The following PLXNC1 variants were observed in gnomAD, a reference collection of about 807,000 sequenced individuals.
PLXNC1 encodes plexin C1, also known as plexin-C1.
Under a neutral mutation model 178.2 loss-of-function variants are expected in PLXNC1, and 75 were observed. That is an observed-to-expected ratio of 0.42 (90% CI 0.35 to 0.51). PLXNC1 has a LOEUF of 0.51. Among genes scored for constraint, PLXNC1 ranks in the 20% least tolerant of loss-of-function variants. The pLI is 0.02. For synonymous variants in PLXNC1, 790 were observed against 779.9 expected, an observed-to-expected ratio of 1.01 and a Z score of -0.22; for missense variants, 1,503 against 1,984.4, an observed-to-expected ratio of 0.76 and a Z score of 4.61.
chr12:94,257,109 CAG>C (rs1443924262), intron 17 of PLXNC1, among the ~76,000 whole-genome samples: 1 of 152,144 alleles, frequency 6.6e-6, no homozygotes, highest in East Asian at 1.9e-4. Flanking sequence ...AACAGGGAAA[CAG>C]ATCGTAAGAA....
At chr12:94,303,049 A>G (rs186273842) in intron 28 of PLXNC1, among the ~76,000 whole-genome samples, 2 of 152,310 alleles carry the variant, frequency 1.3e-5, no homozygotes, top group African/African-American at 2.4e-5. Flanking sequence ...TAACTTACCT[A>G]TCTTCCCTGA....
chr12:94,240,617 T>C lies in PLXNC1; in HGVS notation c.2253T>C (p.Ile751=). 1 of 1,613,812 alleles carries C rather than the reference T, an allele frequency of 6.2e-7. No individual in the cohort carries two copies. The highest frequency in any genetic ancestry group is 1.1e-5 in the South Asian group (1 of 91,078). The change falls in exon 11 of 31, where the codon ATT becomes ATC. Residue 751 remains isoleucine (I), a synonymous_variant. Coordinates refer to ENST00000258526, the MANE Select transcript of PLXNC1 (RefSeq NM_005761.3). ...NCSSVGSLSY[I]ALPHCSLIFP... ...CTTCTGTGGGATCCTTATCCTACAT[T>C]GCTCTGCCACATTGTTCCCTTATAT...
At chr12:94,295,327 G>A (rs1245103730) in intron 24 of PLXNC1, among the ~76,000 whole-genome samples, 1 of 152,206 alleles carries the variant, frequency 6.6e-6, no homozygotes, top group Non-Finnish European at 1.5e-5. Context: ...GACTCCTTTG[G>A]GGAAACCCAC....
intron 2 of PLXNC1, among the ~76,000 whole-genome samples, chr12:94,180,156 C>T (rs887493074): frequency 6.6e-6 from 1 of 152,152 alleles, no homozygotes; most frequent in Admixed American, 6.5e-5. Flanking sequence ...AAAAGGCAGG[C>T]TGTTTACACA....
chr12:94,269,590 A>G (rs1246754450), intron 21 of PLXNC1, among the ~76,000 whole-genome samples: 1 of 152,238 alleles, frequency 6.6e-6, no homozygotes, highest in African/African-American at 2.4e-5. Context: ...CCCCGTAATT[A>G]AACAACCCAC....
chr12:94,196,792 G>A (rs1357963949), intron 4 of PLXNC1, among the ~76,000 whole-genome samples: 1 of 152,178 alleles, frequency 6.6e-6, no homozygotes, highest in Non-Finnish European at 1.5e-5. Context: ...CACGTTCTGT[G>A]CCATGTTCCA....
At chr12:94,152,713 C>G (rs1379906995) in intron 1 of PLXNC1, among the ~76,000 whole-genome samples, 1 of 152,194 alleles carries the variant, frequency 6.6e-6, no homozygotes, top group African/African-American at 2.4e-5. Flanking sequence ...ATTTGCTTGC[C>G]TTCTTTCTCC....
chr12:94,191,231 T>C (rs904431370), intron 4 of PLXNC1, among the ~76,000 whole-genome samples: 1 of 152,170 alleles, frequency 6.6e-6, no homozygotes, highest in African/African-American at 2.4e-5. Flanking sequence ...TGGCCTACAA[T>C]GAAATGAAAC....
intron 2 of PLXNC1, among the ~76,000 whole-genome samples, chr12:94,174,109 G>A (rs1007201680): frequency 1.3e-5 from 2 of 152,196 alleles, no homozygotes; most frequent in Non-Finnish European, 2.9e-5. Context: ...CCAGTCTTGA[G>A]GTATTTCCTA....
rs537189171 is a variant in PLXNC1 at position 94,307,027 on chromosome 12, A to C, written c.*1742A>C. ...AGGAAAGTTGAGAGCCAAGGGTAGG[A>C]GAGTTGCCCAAAAGACTTCCCCTAC... On this transcript the variant is annotated 3_prime_UTR_variant, in exon 31 of 31. Coordinates refer to ENST00000258526, the MANE Select transcript of PLXNC1 (RefSeq NM_005761.3). 2 of 152,370 alleles carry C rather than the reference A, an allele frequency of 1.3e-5. No homozygotes were observed. The highest frequency in any genetic ancestry group is 4.8e-5 in the African/African-American group (2 of 41,594). The allele number at this position is 152,370 out of a possible 1,614,324, so 9.4% of individuals were successfully genotyped here.
intron 5 of PLXNC1, among the ~76,000 whole-genome samples, chr12:94,215,802 AT>A (rs1188823442): frequency 1.3e-5 from 2 of 152,192 alleles, no homozygotes; most frequent in African/African-American, 4.8e-5. Flanking sequence ...TAAAAATAAA[AT>A]TTAGACTAAT....
intron 10 of PLXNC1, among the ~76,000 whole-genome samples, chr12:94,239,395 TA>T (rs1214629578): frequency 1.3e-5 from 2 of 152,266 alleles, no homozygotes; most frequent in Non-Finnish European, 2.9e-5. Context: ...CACTTTATGA[TA>T]AATTTCCTAG....
At chr12:94,251,317 C>A in intron 14 of PLXNC1, 109 bp from the exon 15 acceptor site, 1 of 687,170 alleles carries the variant, frequency 1.5e-6, no homozygotes, top group Non-Finnish European at 2.7e-6. Context: ...GATATCCTAC[C>A]CAGCTCACTG....
chr12:94,219,811 A>ATTTATTTG (rs1555200403), intron 5 of PLXNC1, among the ~76,000 whole-genome samples: 15 of 85,300 alleles, frequency 1.8e-4, no homozygotes, highest in Non-Finnish European at 3.0e-4. Flanking sequence ...ATTTTTATTT[A>ATTTATTTG]TTTATTTATT....
intron 9 of PLXNC1, 50 bp from the exon 10 acceptor site, chr12:94,237,607 TGGAGCGA>T: frequency 2.6e-6 from 4 of 1,521,472 alleles, no homozygotes; most frequent in African/African-American, 2.8e-5. Context: ...CAGATTTTTT[TGGAGCGA>T]TGCCATTTCT....
At chr12:94,229,075 G>T (rs1024074664) in intron 9 of PLXNC1, among the ~76,000 whole-genome samples, 16 of 152,048 alleles carry the variant, frequency 1.1e-4, no homozygotes, top group African/African-American at 2.4e-4. Flanking sequence ...TGTTATTTTC[G>T]ATTTTGTTTG....
In PLXNC1 at chr12:94,177,159, A is replaced by ATG. The variant is rs1220818956; in HGVS notation, c.1204-4285_1204-4284dup. Among the ~76,000 whole-genome samples, 313 of 37,022 alleles carry ATG rather than the reference A, an allele frequency of 8.5e-3. 5 individuals carry two copies. The highest frequency in any genetic ancestry group is 0.026 in the African/African-American group (150 of 5,666). 24.3% of individuals were successfully genotyped at this position (37,022 alleles called of 152,430 possible). On this transcript the variant is annotated intron_variant, in intron 2 of 30. Transcript: ENST00000258526. ...TATATGTGTGTGTGTGTATATATAT[A>ATG]TGTATATATATATATACGTATATAT...
rs1565880226 is a variant in PLXNC1 at position 94,306,571 on chromosome 12, C to CT, written c.*1288dup. On this transcript the variant is annotated 3_prime_UTR_variant, in exon 31 of 31. Transcript: ENST00000258526. Reference sequence around the variant, plus strand: ...GAAGTAAACAGCATAATTGGCAACTCTTGAGCTTTTCTTGTGGCAGGCACC... The same window carrying CT: ...GAAGTAAACAGCATAATTGGCAACTCTTTGAGCTTTTCTTGTGGCAGGCACC... 1 of 152,158 alleles carries CT rather than the reference C, an allele frequency of 6.6e-6. No individual in the cohort carries two copies. The highest frequency in any genetic ancestry group is 1.5e-5 in the Non-Finnish European group (1 of 68,030). The allele number at this position is 152,158 out of a possible 1,614,324, so 9.4% of individuals were successfully genotyped here.
At chr12:94,162,705 T>G (rs970923935) in intron 1 of PLXNC1, among the ~76,000 whole-genome samples, 28 of 152,028 alleles carry the variant, frequency 1.8e-4, no homozygotes, top group African/African-American at 6.5e-4. Context: ...TTTAATGTAT[T>G]GGATGTGGGG....
Sources: gnomAD v4.1 joint callset for allele counts (sites outside exome capture counted in the v4.1 genomes callset) on GRCh38, gnomAD v4.1.1 for gene constraint, MANE v1.5 for transcripts, NCBI Gene and HGNC (gene_info 2026-07-23, HGNC 2026-07-21) for gene names.